PITPNC1: variants seen among roughly 807,000 people sequenced by gnomAD.
The protein encoded by PITPNC1 is cytoplasmic phosphatidylinositol transfer protein 1.
PITPNC1 carries 18 observed loss-of-function variants against 44.7 expected under a neutral mutation model. The ratio of observed to expected loss-of-function variants is 0.40; its 90% CI spans 0.28 to 0.60. The LOEUF (loss-of-function observed/expected upper bound fraction) is 0.60, where lower values mean the gene tolerates loss of function less well. PITPNC1 is among the 20% of genes least tolerant of loss of function. The pLI, the probability that PITPNC1 is intolerant of heterozygous loss-of-function variation, is 0.39. For synonymous variants in PITPNC1, 141 were observed against 149.6 expected, an observed-to-expected ratio of 0.94 and a Z score of 0.42; for missense variants, 290 against 418.4, an observed-to-expected ratio of 0.69 and a Z score of 2.68.
chr17:67,448,919 A>G (rs1005322756), intron 1 of PITPNC1, among the ~76,000 whole-genome samples: 1 of 151,944 alleles, frequency 6.6e-6, no homozygotes, highest in African/African-American at 2.4e-5. Context: ...GTTGCATGCA[A>G]CCATGCCTGG....
In PITPNC1 at chr17:67,532,873, G is replaced by T. The variant is rs752708053; in HGVS notation, c.120G>T (p.Glu40Asp). 6.2e-7 allele frequency: 1 copy of T among 1,604,972 alleles called. No homozygotes were observed. The highest frequency in any genetic ancestry group is 1.1e-5 in the South Asian group (1 of 88,680). Reference sequence around the variant, plus strand: ...AGAGTGACCGGGGAGAAGGGGTGGAGGTCGTCCAGAATGAGCCCTTTGAGG... The same window carrying T: ...AGAGTGACCGGGGAGAAGGGGTGGATGTCGTCCAGAATGAGCCCTTTGAGG... ...HEQSDRGEGV[E>D]VVQNEPFEDP... Residue 40 changes from glutamate (E) to aspartate (D), a missense_variant, in exon 2 of 9, where the codon GAG becomes GAT. Physicochemically the swap from Glu to Asp is conservative, Grantham distance 45. Coordinates refer to ENST00000581322, the MANE Select transcript of PITPNC1 (RefSeq NM_012417.4).
At chr17:67,426,407 A>C (rs983518558) in intron 1 of PITPNC1, among the ~76,000 whole-genome samples, 2 of 152,204 alleles carry the variant, frequency 1.3e-5, no homozygotes, top group African/African-American at 4.8e-5. Flanking sequence ...GTACATATAC[A>C]CCATGGAATA....
At position 67,475,215 on chromosome 17, in the gene PITPNC1, G is replaced by A. The variant is rs114575043; in HGVS notation, c.49-57587G>A. Reference sequence around the variant, plus strand: ...GGTTCTAGCCTTCCTCGCGGTGGAGGGTGTTTTGCTTTCTGCGCGGTTTCT... The same window carrying A: ...GGTTCTAGCCTTCCTCGCGGTGGAGAGTGTTTTGCTTTCTGCGCGGTTTCT... On this transcript the variant is annotated intron_variant, in intron 1 of 8. Coordinates refer to ENST00000581322, the MANE Select transcript of PITPNC1 (RefSeq NM_012417.4). Among the ~76,000 whole-genome samples the A allele has an allele frequency of 3.9e-3, 597 of 152,238 alleles. 4 individuals are homozygous for A. Among genetic ancestry groups the A allele is most frequent in the African/African-American group, 0.013 (552 of 41,552 alleles).
intron 2 of PITPNC1, among the ~76,000 whole-genome samples, chr17:67,546,782 G>A (rs904322777): frequency 6.6e-6 from 1 of 152,144 alleles, no homozygotes; most frequent in African/African-American, 2.4e-5. Flanking sequence ...CTGCCGGGGA[G>A]GCCCCGGCAG....
At chr17:67,517,880 T>A (rs1322753343) in intron 1 of PITPNC1, among the ~76,000 whole-genome samples, 2 of 152,150 alleles carry the variant, frequency 1.3e-5, no homozygotes, top group Non-Finnish European at 2.9e-5. Flanking sequence ...AATTGCATAT[T>A]TTTTTTAAAA....
intron 4 of PITPNC1, among the ~76,000 whole-genome samples, chr17:67,568,381 G>A (rs1000609857): frequency 1.3e-5 from 2 of 152,074 alleles, no homozygotes; most frequent in African/African-American, 2.4e-5. Flanking sequence ...ATGGATACAG[G>A]GCTTCTTTGG....
chr17:67,620,776 C>A (rs1297817837), intron 5 of PITPNC1, among the ~76,000 whole-genome samples: 1 of 152,144 alleles, frequency 6.6e-6, no homozygotes, highest in Non-Finnish European at 1.5e-5. Context: ...GCCTTAATAC[C>A]CCTGAAATCC....
chr17:67,534,954 G>A (rs1301888723), intron 2 of PITPNC1, among the ~76,000 whole-genome samples: 2 of 152,202 alleles, frequency 1.3e-5, no homozygotes, highest in African/African-American at 4.8e-5. Context: ...CTCCCCAGCA[G>A]CTTGAATTGG....
chr17:67,666,742 C>T (rs536832755), intron 6 of PITPNC1, among the ~76,000 whole-genome samples: 11 of 152,238 alleles, frequency 7.2e-5, no homozygotes, highest in African/African-American at 2.4e-4. Context: ...CCTGGGAGTG[C>T]ACTGTGTTTT....
intron 1 of PITPNC1, among the ~76,000 whole-genome samples, chr17:67,433,578 G>C (rs1462303407): frequency 6.6e-6 from 1 of 152,164 alleles, no homozygotes; most frequent in Non-Finnish European, 1.5e-5. Context: ...GGGTGTGGTG[G>C]CCTGCGCCTG....
At chr17:67,420,805 G>A (rs1031032113) in intron 1 of PITPNC1, among the ~76,000 whole-genome samples, 3 of 152,106 alleles carry the variant, frequency 2.0e-5, no homozygotes, top group South Asian at 4.1e-4. Flanking sequence ...CGTTGTAGAA[G>A]CACTTAGTGT....
At chr17:67,441,965 T>G (rs889512929) in intron 1 of PITPNC1, among the ~76,000 whole-genome samples, 2 of 151,774 alleles carry the variant, frequency 1.3e-5, no homozygotes, top group African/African-American at 4.8e-5. Flanking sequence ...CCCTGAAGCG[T>G]TTGTGATTTA....
Position 67,457,501 on chromosome 17 carries a change from C to T in PITPNC1, c.49-75301C>T, listed in dbSNP as rs1280974221. 1.3e-5 allele frequency: 2 copies of T among 152,560 alleles called. 1 individual carries two copies. Among genetic ancestry groups the T allele is most frequent in the East Asian group, 3.8e-4 (2 of 5,212 alleles). 9.5% of individuals were successfully genotyped at this position (152,560 alleles called of 1,614,324 possible). A position where few individuals can be genotyped will look rare whatever the true frequency, so the allele number is the denominator to read the frequency against. On this transcript the variant is annotated intron_variant, in intron 1 of 8. Transcript: ENST00000581322. ...TCCCAGGTTCAAGCCATTCTTCTGC[C>T]TCAGCCTCCCGTGTAGCTGGGACTA...
chr17:67,587,286 A>AG (rs2041331213), intron 5 of PITPNC1, among the ~76,000 whole-genome samples: 1 of 151,866 alleles, frequency 6.6e-6, no homozygotes. Context: ...CAAGAGTTCA[A>AG]GGCCAGCCTG....
intron 1 of PITPNC1, among the ~76,000 whole-genome samples, chr17:67,395,884 C>T (rs997124076): frequency 1.3e-5 from 2 of 152,104 alleles, no homozygotes; most frequent in Non-Finnish European, 2.9e-5. Context: ...GACTCAAACC[C>T]TGGGCTATTG....
chr17:67,579,387 T>C (rs770799897), intron 5 of PITPNC1, among the ~76,000 whole-genome samples: 3 of 152,184 alleles, frequency 2.0e-5, no homozygotes, highest in Non-Finnish European at 4.4e-5. Flanking sequence ...TTCATGGAAC[T>C]TCCCAGAGGA....
intron 5 of PITPNC1, among the ~76,000 whole-genome samples, chr17:67,610,434 CATAA>C (rs1480387161): frequency 7.2e-5 from 11 of 152,294 alleles, no homozygotes; most frequent in Non-Finnish European, 1.2e-4. Flanking sequence ...TCCTAATTTG[CATAA>C]ATAAATAAAC....
chr17:67,635,625 G>A (rs1405910455), intron 6 of PITPNC1, among the ~76,000 whole-genome samples: 1 of 152,140 alleles, frequency 6.6e-6, no homozygotes, highest in Non-Finnish European at 1.5e-5. Flanking sequence ...ATATAAATGG[G>A]AAAGGGGTTC....
At chr17:67,607,990 A>G (rs2041631101) in intron 5 of PITPNC1, among the ~76,000 whole-genome samples, 2 of 151,912 alleles carry the variant, frequency 1.3e-5, no homozygotes, top group Admixed American at 1.3e-4. Flanking sequence ...TCGGCCTCCC[A>G]AATTGCTGGG....
Sources: allele counts gnomAD v4.1 joint callset (sites outside exome capture counted in the v4.1 genomes callset), GRCh38; gene constraint gnomAD v4.1.1; transcripts MANE v1.5; gene names NCBI Gene and HGNC (gene_info 2026-07-23, HGNC 2026-07-21).